RNF19A: variants seen among roughly 807,000 people sequenced by gnomAD.
RNF19A encodes the protein E3 ubiquitin-protein ligase RNF19A.
Under a neutral mutation model 75.7 loss-of-function variants are expected in RNF19A, and 32 were observed. The ratio of observed to expected loss-of-function variants is 0.42; its 90% CI spans 0.32 to 0.57. The LOEUF (loss-of-function observed/expected upper bound fraction) is 0.57, where lower values mean the gene tolerates loss of function less well. Among genes scored for constraint, RNF19A ranks in the 20% least tolerant of loss-of-function variants. The pLI is 0.10. For missense variants in RNF19A, 782 were observed against 1,036.3 expected (o/e 0.75, Z 3.37); for synonymous variants, 335 against 345.2 (o/e 0.97, Z 0.33).
Position 100,261,833 on chromosome 8 carries a change from G to T in RNF19A, c.1469-78C>A. The T allele has an allele frequency of 7.2e-7, 1 of 1,387,024 alleles. No homozygotes were observed. Among genetic ancestry groups the T allele is most frequent in the Non-Finnish European group, 1.0e-6 (1 of 975,382 alleles). 85.9% of individuals were successfully genotyped at this position (1,387,024 alleles called of 1,614,324 possible). ...CTTCTTAAATTCCTCCATGATTTCA[G>T]AGAGGACATTATATAAGGTATAAAA... On this transcript the variant is annotated intron_variant, in intron 7 of 9. Coordinates refer to ENST00000341084, the MANE Select transcript of RNF19A (RefSeq NM_183419.4). The surrounding 1 kb of genome is among the most constrained non-coding windows in gnomAD (Gnocchi z 4.4).
Position 100,264,155 on chromosome 8 carries a change from T to C in RNF19A, c.1347A>G (p.Val449=), listed in dbSNP as rs941897213. ...CGCTTCGACAAAGAGAAATTGGAAC[T>C]ACGCCATAGACATAAGCTAACATAA... ...VPIMLAYVYG[V]VPISLCRSGG... is the part of the protein sequence containing the mutation. Residue 449 remains valine, a synonymous_variant, in exon 7 of 10, where the codon GTA becomes GTG. Coordinates refer to ENST00000341084, the MANE Select transcript of RNF19A (RefSeq NM_183419.4). The surrounding 1 kb of genome is among the most constrained non-coding windows in gnomAD (Gnocchi z 4.7). 1.2e-6 allele frequency: 2 copies of C among 1,613,688 alleles called. No homozygotes were observed. The highest frequency in any genetic ancestry group is 1.1e-5 in the South Asian group (1 of 91,072).
At chr8:100,320,236 T>G (rs1400553920) in intron 1 of RNF19A, among the ~76,000 whole-genome samples, 1 of 152,266 alleles carries the variant, frequency 6.6e-6, no homozygotes, top group Non-Finnish European at 1.5e-5. Context: ...AAGCAAAATT[T>G]TACATAAATG....
chr8:100,304,759 C>T (rs992747624), intron 1 of RNF19A, among the ~76,000 whole-genome samples: 1 of 152,156 alleles, frequency 6.6e-6, no homozygotes, highest in Non-Finnish European at 1.5e-5. Context: ...GGTAACAGTA[C>T]ATTCTATATG....
chr8:100,274,238 C>G (rs1364910101), intron 3 of RNF19A, among the ~76,000 whole-genome samples: 5 of 152,096 alleles, frequency 3.3e-5, no homozygotes, highest in Admixed American at 6.6e-5. Context: ...AAATACACAC[C>G]CCCAACTTGG....
Position 100,259,105 on chromosome 8 carries a change from ACC to A in RNF19A, c.1966_1967del (p.Gly656Ter), listed in dbSNP as rs768524873. Reference sequence around the variant, plus strand: ...TGGACCACTTGGTGGCACTAGATTTACCTTCAGGCAAGCCACTGGATGAACCG... The same window carrying A: ...TGGACCACTTGGTGGCACTAGATTTATTCAGGCAAGCCACTGGATGAACCG... Reference protein sequence around the residue: ...AGGSSSGLPEGKSSATKWSKE... With the variant: ...AGGSSSGLPEXKSSATKWSKE... On this transcript the variant is annotated frameshift_variant, in exon 10 of 10. Coordinates refer to ENST00000341084, the MANE Select transcript of RNF19A (RefSeq NM_183419.4). LOFTEE classifies it high-confidence loss of function. The surrounding 1 kb of genome is among the most constrained non-coding windows in gnomAD (Gnocchi z 4.5). The A allele has an allele frequency of 1.2e-6, 2 of 1,614,006 alleles. No homozygotes were observed. Among genetic ancestry groups the A allele is most frequent in the East Asian group, 4.5e-5 (2 of 44,880 alleles).
At chr8:100,293,993 G>A (rs923104474) in intron 1 of RNF19A, among the ~76,000 whole-genome samples, 5 of 151,948 alleles carry the variant, frequency 3.3e-5, no homozygotes, top group Admixed American at 2.0e-4. Context: ...CCACATGTTC[G>A]GTCATTATGA....
At position 100,269,966 on chromosome 8, in the gene RNF19A, T is replaced by A; in HGVS notation, c.931A>T (p.Met311Leu). The A allele has an allele frequency of 1.2e-6, 2 of 1,609,674 alleles. No individual in the cohort carries two copies. The highest frequency in any genetic ancestry group is 3.4e-5 in the Admixed American group (2 of 59,330). ...ATGTGATTGCAGCTCCCATCATTCA[T>A]CTTTATTATATAAGCAGCACATCGT... is the stretch of plus-strand genomic sequence containing the variant. Reference protein sequence around the residue: ...CPRCAAYIIKMNDGSCNHMTC... With the variant: ...CPRCAAYIIKLNDGSCNHMTC... The change falls in exon 4 of 10, where the codon ATG becomes TTG. Residue 311 changes from methionine to leucine, a missense_variant. Met to Leu is a conservative substitution (Grantham distance 15). Around this residue, in one of 7 missense-constraint regions of RNF19A, gnomAD observed 31 missense variants for 48.8 expected, o/e 0.64. Transcript: ENST00000341084. The surrounding 1 kb of genome is among the most constrained non-coding windows in gnomAD (Gnocchi z 5.7).
chr8:100,268,104 CTT>C, intron 5 of RNF19A, among the ~76,000 whole-genome samples: 2 of 148,214 alleles, frequency 1.3e-5, no homozygotes, highest in African/African-American at 4.9e-5. Context: ...AAGAAAATTT[CTT>C]TTTTTTTTCT....
intron 2 of RNF19A, among the ~76,000 whole-genome samples, chr8:100,279,851 G>A (rs1284189252): frequency 6.6e-6 from 1 of 151,998 alleles, no homozygotes. Flanking sequence ...TTTTAGTAGG[G>A]ATGGGGTTTT....
chr8:100,287,557 A>G lies in RNF19A; in HGVS notation c.618T>C (p.Leu206=), dbSNP rs754900513. The change falls in exon 2 of 10, where the codon CTT becomes CTC. Residue 206 remains leucine, a synonymous_variant. Coordinates refer to ENST00000341084, the MANE Select transcript of RNF19A (RefSeq NM_183419.4). The surrounding 1 kb of genome is among the most constrained non-coding windows in gnomAD (Gnocchi z 4.1). The stretch of plus-strand genomic sequence containing the variant: ...CAGGATCTGCAACAAGCCACCGTCT[A>G]AGCATAAATTCTTCGTATTTTTCCA... ...VLMEKYEEFM[L]RRWLVADPDC... is the part of the protein sequence containing the mutation. 6 of 1,614,160 alleles carry G rather than the reference A, an allele frequency of 3.7e-6. No individual in the cohort carries two copies. In the East Asian group the frequency reaches 6.7e-5, roughly 18 times the overall value.
At chr8:100,304,975 G>A (rs1299903114) in intron 1 of RNF19A, among the ~76,000 whole-genome samples, 5 of 152,048 alleles carry the variant, frequency 3.3e-5, no homozygotes, top group Non-Finnish European at 2.9e-5. Context: ...TTGCTCTGTT[G>A]CTCAGGCTGG....
At chr8:100,292,438 GTGTGTGTGTGTGTGTGTGT>G (rs1821347264) in intron 1 of RNF19A, among the ~76,000 whole-genome samples, 5 of 143,262 alleles carry the variant, frequency 3.5e-5, no homozygotes, top group African/African-American at 1.2e-4. Flanking sequence ...TCATATGGGT[GTGTGTGTGTGTGTGTGTGT>G]GTGTGTGTGT....
At chr8:100,302,116 T>G (rs1051660705) in intron 1 of RNF19A, among the ~76,000 whole-genome samples, 3 of 152,234 alleles carry the variant, frequency 2.0e-5, no homozygotes, top group African/African-American at 7.2e-5. Flanking sequence ...TGTAAGTACT[T>G]TGGCTTTTAT....
intron 2 of RNF19A, among the ~76,000 whole-genome samples, chr8:100,285,636 AT>A (rs879925792): frequency 2.7e-3 from 392 of 145,034 alleles, no homozygotes; most frequent in Admixed American, 3.2e-3. Flanking sequence ...CATTGTCAGA[AT>A]TTTTTTTTTT....
intron 1 of RNF19A, among the ~76,000 whole-genome samples, chr8:100,304,638 T>C (rs749399368): frequency 9.9e-5 from 15 of 152,224 alleles, no homozygotes; most frequent in Admixed American, 2.6e-4. Context: ...TCAGGCAATA[T>C]TAAATAGATG....
chr8:100,328,579 C>A (rs1050344765), intron 1 of RNF19A, among the ~76,000 whole-genome samples: 23 of 152,000 alleles, frequency 1.5e-4, no homozygotes, highest in African/African-American at 2.9e-4. Flanking sequence ...TCAGGCGATT[C>A]TCTTGCCTCA....
chr8:100,270,558 G>T (rs1318013877), intron 3 of RNF19A, among the ~76,000 whole-genome samples: 1 of 151,968 alleles, frequency 6.6e-6, no homozygotes. Flanking sequence ...TAGCAAAACA[G>T]GTATCTTTAG....
At chr8:100,278,460 T>C (rs1182358560) in intron 2 of RNF19A, among the ~76,000 whole-genome samples, 1 of 152,228 alleles carries the variant, frequency 6.6e-6, no homozygotes, top group Non-Finnish European at 1.5e-5. Context: ...TCCAGTATGT[T>C]GCAAGAGTAA....
At chr8:100,316,552 C>A (rs1420684513) in intron 1 of RNF19A, among the ~76,000 whole-genome samples, 1 of 152,156 alleles carries the variant, frequency 6.6e-6, no homozygotes, top group African/African-American at 2.4e-5. Flanking sequence ...CAAAGGTTCT[C>A]CAAGGCCCCA....
Sources: gnomAD v4.1 joint callset for allele counts (sites outside exome capture counted in the v4.1 genomes callset) on GRCh38, gnomAD v4.1.1 for gene constraint, gnomAD v4.1.1 regional missense constraint, Gnocchi (gnomAD v3.1) non-coding constraint, MANE v1.5 for transcripts, NCBI Gene and HGNC (gene_info 2026-07-23, HGNC 2026-07-21) for gene names.